Variants in BAMBI observed in about 807,000 individuals in gnomAD.
BAMBI encodes the protein BMP and activin membrane-bound inhibitor homolog.
BAMBI carries 21 observed loss-of-function variants against 24.1 expected under a neutral mutation model. The ratio of observed to expected loss-of-function variants is 0.87; its 90% confidence interval spans 0.62 to 1.26. The LOEUF is 1.26. Ranked by LOEUF, BAMBI falls within the 50% of genes most tolerant of loss-of-function variation. The pLI is 0.00. For synonymous variants in BAMBI, 156 were observed against 123.1 expected (o/e 1.27, Z -1.77); for missense variants, 388 against 329.1 (o/e 1.18, Z -1.38).
chr10:28,681,380 C>G lies in BAMBI; in HGVS notation c.199C>G (p.His67Asp). 6.2e-7 allele frequency: 1 copy of G among 1,614,230 alleles called. No homozygotes were observed. The highest frequency in any genetic ancestry group is 2.2e-5 in the East Asian group (1 of 44,884). Residue 67 changes from histidine (H) to aspartate (D), a missense_variant, in exon 2 of 3, where the codon CAT becomes GAT. Physicochemically the swap from His to Asp is moderately conservative, Grantham distance 81 (BLOSUM62 -1). Coordinates refer to ENST00000375533, the MANE Select transcript of BAMBI (RefSeq NM_012342.3). ...TCAGAACTCAAATTCCCCACTCACCCATGGCTGCCTGGACTCTCTTGCAAG... is the reference window on the plus strand; with the variant it reads ...TCAGAACTCAAATTCCCCACTCACCGATGGCTGCCTGGACTCTCTTGCAAG... ...DPQNSNSPLT[H>D]GCLDSLASTT... is the part of the protein sequence containing the mutation.
chr10:28,679,199 T>C (rs183496129), intron 1 of BAMBI, among the ~76,000 whole-genome samples: 1 of 152,318 alleles, frequency 6.6e-6, no homozygotes, highest in Admixed American at 6.5e-5. Flanking sequence ...GGACTGAGGC[T>C]GACATGAAGT....
chr10:28,678,272 C>T (rs1834459192), intron 1 of BAMBI, among the ~76,000 whole-genome samples: 1 of 152,222 alleles, frequency 6.6e-6, no homozygotes, highest in South Asian at 2.1e-4. Flanking sequence ...GCTTCCGCAC[C>T]CTGGGGGCTC....
rs148416941 is a variant in BAMBI, at chr10:28,682,292, G to C, written c.674G>C (p.Cys225Ser). Reference sequence around the variant, plus strand: ...GTGCCGGTCAGTGGGCACGAGAACTGCTGTCTGACCTGTGATAAAATGAGA... The same window carrying C: ...GTGCCGGTCAGTGGGCACGAGAACTCCTGTCTGACCTGTGATAAAATGAGA... ...CMVPVSGHEN[C>S]CLTCDKMRQA... The change falls in exon 3 of 3, where the codon TGC becomes TCC. Residue 225 changes from cysteine to serine, a missense_variant. By Grantham distance (112) the Cys-to-Ser change is moderately radical. Transcript: ENST00000375533. 137 of 1,613,988 alleles carry C rather than the reference G, an allele frequency of 8.5e-5. No individual in the cohort carries two copies. The highest frequency in any genetic ancestry group is 6.6e-4 in the Middle Eastern group (4 of 6,084).
intron 1 of BAMBI, 80 bp downstream of exon 1, chr10:28,678,053 C>A: frequency 7.6e-7 from 1 of 1,318,320 alleles, no homozygotes; most frequent in Non-Finnish European, 1.0e-6. Flanking sequence ...GCTTTGTTAG[C>A]GGCAGGCGAG....
chr10:28,682,264 A>C lies in BAMBI; in HGVS notation c.646A>C (p.Met216Leu), dbSNP rs369100188. 5 of 1,614,044 alleles carry C rather than the reference A, an allele frequency of 3.1e-6. No individual in the cohort carries two copies. In the African/African-American group the frequency reaches 6.7e-5, roughly 22 times the overall value. Residue 216 changes from methionine to leucine, a missense_variant, in exon 3 of 3, where the codon ATG (methionine) becomes CTG (leucine). Met to Leu is a conservative substitution (Grantham distance 15, BLOSUM62 2). Coordinates refer to ENST00000375533, the MANE Select transcript of BAMBI (RefSeq NM_012342.3). ...GGTTGCAAAGTTAGACTTGGAATGC[A>C]TGGTGCCGGTCAGTGGGCACGAGAA... ...GQVAKLDLEC[M>L]VPVSGHENCC... is the part of the protein sequence containing the mutation.
At chr10:28,680,588 T>A (rs184868701) in intron 1 of BAMBI, among the ~76,000 whole-genome samples, 1 of 152,182 alleles carries the variant, frequency 6.6e-6, no homozygotes, top group Non-Finnish European at 1.5e-5. Flanking sequence ...TGAAAGAAAT[T>A]GACTTTGGCA....
chr10:28,681,069 T>G (rs547020819), intron 1 of BAMBI, among the ~76,000 whole-genome samples, 189 bp from the exon 2 acceptor site: 108 of 152,312 alleles, frequency 7.1e-4, no homozygotes, highest in Admixed American at 3.1e-3. Flanking sequence ...ATTGCCAAAA[T>G]GACGTTTAAC....
rs773609623 is a variant in BAMBI at position 28,677,997 on chromosome 10, C to T, written c.76+24C>T. Reference sequence around the variant, plus strand: ...AGGTGGGTGCCGGGGGCGCACGGGGCCCGGGGTCCCGTCCTCGCCGCGGGG... The same window carrying T: ...AGGTGGGTGCCGGGGGCGCACGGGGTCCGGGGTCCCGTCCTCGCCGCGGGG... On this transcript the variant is annotated intron_variant, in intron 1 of 2. Transcript: ENST00000375533. 8.0e-6 allele frequency: 12 copies of T among 1,505,218 alleles called. No homozygotes were observed. The African/African-American group carries it at 1.4e-4, about 18-fold the overall frequency. The allele number at this position is 1,505,218 out of a possible 1,614,324, so 93.2% of individuals were successfully genotyped here.
At chr10:28,679,355 T>C (rs1834472610) in intron 1 of BAMBI, among the ~76,000 whole-genome samples, 1 of 152,198 alleles carries the variant, frequency 6.6e-6, no homozygotes, top group South Asian at 2.1e-4. Context: ...GTTTAATCAC[T>C]ACATACAGTA....
rs1357794303 is a variant in BAMBI, at chr10:28,682,089, G to A, written c.471G>A (p.Val157=). 1.2e-6 allele frequency: 2 copies of A among 1,614,050 alleles called. No homozygotes were observed. The highest frequency in any genetic ancestry group is 8.5e-7 in the Non-Finnish European group (1 of 1,180,050). Residue 157 remains valine (V), a synonymous_variant, in exon 3 of 3, where the codon GTG becomes GTA. Coordinates refer to ENST00000375533, the MANE Select transcript of BAMBI (RefSeq NM_012342.3). ...GGTTCCGGGCAGCGGTCATTGCCGT[G>A]CCCATTGCTGGAGGGCTGATTTTAG... ...ELWFRAAVIA[V]PIAGGLILVL...
In BAMBI at chr10:28,677,958, G is replaced by A. The variant is rs2132943918; in HGVS notation, c.61G>A (p.Val21Met). The stretch of plus-strand genomic sequence containing the variant: ...GCAGCTGGAGCTCTGCGCCATGGCC[G>A]TGCTGCTCACCAAAGGTGGGTGCCG... The part of the protein sequence containing the change: ...WLQLELCAMA[V>M]LLTKGEIRCY... The change falls in exon 1 of 3, where the codon GTG (valine) becomes ATG (methionine). Residue 21 changes from valine (V) to methionine (M), a missense_variant. Val to Met is a conservative substitution (Grantham distance 21, BLOSUM62 1). Coordinates refer to ENST00000375533, the MANE Select transcript of BAMBI (RefSeq NM_012342.3). 6.5e-7 allele frequency: 1 copy of A among 1,528,958 alleles called. No homozygotes were observed. Among genetic ancestry groups the A allele is most frequent in the Non-Finnish European group, 8.7e-7 (1 of 1,144,028 alleles). 94.7% of individuals were successfully genotyped at this position (1,528,958 alleles called of 1,614,324 possible).
rs1006661160 is a variant in BAMBI at position 28,677,601 on chromosome 10, G to C, written c.-297G>C. On this transcript the variant is annotated 5_prime_UTR_variant, in exon 1 of 3. Coordinates refer to ENST00000375533, the MANE Select transcript of BAMBI (RefSeq NM_012342.3). The stretch of plus-strand genomic sequence containing the variant: ...CTCTCTTCGCTGAGAACGGCCGCTA[G>C]CGGGGACTGAAGGCCGGGAGCCCAC... 1 of 211,780 alleles carries C rather than the reference G, an allele frequency of 4.7e-6. No individual in the cohort carries two copies. Among genetic ancestry groups the C allele is most frequent in the Admixed American group, 5.9e-5 (1 of 17,038 alleles). 13.1% of individuals were successfully genotyped at this position (211,780 alleles called of 1,614,324 possible).
At position 28,682,228 on chromosome 10, in the gene BAMBI, A is replaced by C; in HGVS notation, c.610A>C (p.Lys204Gln). Residue 204 changes from lysine to glutamine, a missense_variant, in exon 3 of 3, where the codon AAA becomes CAA. Coordinates refer to ENST00000375533, the MANE Select transcript of BAMBI (RefSeq NM_012342.3). ...CTACAGCTTTCACGGACACCATTCC[A>C]AAAAGGGGCAGGTTGCAAAGTTAGA... ...LHYSFHGHHS[K>Q]KGQVAKLDLE... 6.2e-7 allele frequency: 1 copy of C among 1,614,120 alleles called. No individual in the cohort carries two copies. Among genetic ancestry groups the C allele is most frequent in the South Asian group, 1.1e-5 (1 of 91,078 alleles).
At chr10:28,681,962 A>G (rs1564439534) in intron 2 of BAMBI, 21 bp from the exon 3 acceptor site, 2 of 1,586,490 alleles carry the variant, frequency 1.3e-6, no homozygotes, top group Non-Finnish European at 1.7e-6. Context: ...GAGTTTGATC[A>G]TTTTCTTTGT....
At chr10:28,678,252 C>A (rs10826491) in intron 1 of BAMBI, among the ~76,000 whole-genome samples, 20,150 of 152,222 alleles carry the variant, frequency 0.13, 1,716 homozygotes, top group Non-Finnish European at 0.2. Context: ...GTCTCGGCCT[C>A]GACGCCGCCG....
At chr10:28,679,538 A>G (rs1181952192) in intron 1 of BAMBI, among the ~76,000 whole-genome samples, 1 of 152,158 alleles carries the variant, frequency 6.6e-6, no homozygotes, top group Non-Finnish European at 1.5e-5. Flanking sequence ...CAATTAAAAA[A>G]AAAAGGTAGT....
At position 28,682,464 on chromosome 10, in the gene BAMBI, G is replaced by C. The variant is rs1441594349; in HGVS notation, c.*63G>C. ...AAGGCCTTTTGAGTTCTGCTGGACA[G>C]GAGCACTTTATCTGAAGACAAACTC... On this transcript the variant is annotated 3_prime_UTR_variant, in exon 3 of 3. Coordinates refer to ENST00000375533, the MANE Select transcript of BAMBI (RefSeq NM_012342.3). The C allele has an allele frequency of 6.9e-7, 1 of 1,453,644 alleles. No homozygotes were observed. Among genetic ancestry groups the C allele is most frequent in the African/African-American group, 1.4e-5 (1 of 70,642 alleles). 90.0% of individuals were successfully genotyped at this position (1,453,644 alleles called of 1,614,324 possible). A position where few individuals can be genotyped will look rare whatever the true frequency, so the allele number is the denominator to read the frequency against.
At position 28,681,381 on chromosome 10, in the gene BAMBI, A is replaced by C; in HGVS notation, c.200A>C (p.His67Pro). 6.2e-7 allele frequency: 1 copy of C among 1,614,146 alleles called. No homozygotes were observed. Among genetic ancestry groups the C allele is most frequent in the Non-Finnish European group, 8.5e-7 (1 of 1,180,028 alleles). ...CAGAACTCAAATTCCCCACTCACCCATGGCTGCCTGGACTCTCTTGCAAGC... is the reference window on the plus strand; with the variant it reads ...CAGAACTCAAATTCCCCACTCACCCCTGGCTGCCTGGACTCTCTTGCAAGC... ...DPQNSNSPLT[H>P]GCLDSLASTT... is the part of the protein sequence containing the mutation. The change falls in exon 2 of 3, where the codon CAT becomes CCT. Residue 67 changes from histidine to proline, a missense_variant. Coordinates refer to ENST00000375533, the MANE Select transcript of BAMBI (RefSeq NM_012342.3).
At position 28,682,339 on chromosome 10, in the gene BAMBI, A is replaced by C. The variant is rs1383000423; in HGVS notation, c.721A>C (p.Lys241Gln). The C allele has an allele frequency of 1.4e-5, 23 of 1,613,968 alleles. No homozygotes were observed. The highest frequency in any genetic ancestry group is 1.9e-5 in the Non-Finnish European group (22 of 1,180,008). The change falls in exon 3 of 3, where the codon AAG becomes CAG. Residue 241 changes from lysine to glutamine, a missense_variant. Coordinates refer to ENST00000375533, the MANE Select transcript of BAMBI (RefSeq NM_012342.3). ...GAGACAAGCAGACCTCAGCAACGAT[A>C]AGATCCTCTCGCTTGTTCACTGGGG... ...KMRQADLSND[K>Q]ILSLVHWGMY...
Sources: allele counts gnomAD v4.1 joint callset (sites outside exome capture counted in the v4.1 genomes callset), GRCh38; gene constraint gnomAD v4.1.1; transcripts MANE v1.5; gene names NCBI Gene and HGNC (gene_info 2026-07-23, HGNC 2026-07-21).